The following LDLRAD4 variants were observed in gnomAD, a reference collection of about 807,000 sequenced individuals.
LDLRAD4 encodes the protein low-density lipoprotein receptor class A domain-containing protein 4.
In LDLRAD4, 5 loss-of-function variants were observed where a neutral mutation model predicts 17.0. The ratio of observed to expected loss-of-function variants is 0.29; its 90% CI spans 0.15 to 0.62. The LOEUF is 0.62. Among genes scored for constraint, LDLRAD4 ranks in the 20% least tolerant of loss-of-function variants. The pLI is 0.84. For synonymous variants in LDLRAD4, 168 were observed against 171.8 expected, an observed-to-expected ratio of 0.98 and a Z score of 0.17; for missense variants, 340 against 424.7, an observed-to-expected ratio of 0.80 and a Z score of 1.75.
At chr18:13,470,210 A>G (rs1271133253) in intron 3 of LDLRAD4, among the ~76,000 whole-genome samples, 1 of 152,106 alleles carries the variant, frequency 6.6e-6, no homozygotes, top group Non-Finnish European at 1.5e-5. Context: ...TCTCCAATAG[A>G]GGGCTGCAGA....
intron 3 of LDLRAD4, among the ~76,000 whole-genome samples, chr18:13,511,289 C>A (rs562303819): frequency 1.1e-4 from 17 of 152,284 alleles, no homozygotes; most frequent in Admixed American, 8.5e-4. Context: ...AATCCCAGCA[C>A]TTTGGGAGGC....
intron 2 of LDLRAD4, among the ~76,000 whole-genome samples, chr18:13,393,821 C>G (rs2086459258): frequency 6.6e-6 from 1 of 152,182 alleles, no homozygotes; most frequent in South Asian, 2.1e-4. Flanking sequence ...GACCAAAGTT[C>G]CTGACACAGT....
chr18:13,308,357 A>G (rs1490179022), intron 1 of LDLRAD4, among the ~76,000 whole-genome samples: 1 of 152,268 alleles, frequency 6.6e-6, no homozygotes, highest in Non-Finnish European at 1.5e-5. Context: ...GACAAAGTAC[A>G]ATGAATAATA....
At chr18:13,344,222 C>A (rs1038856011) in intron 1 of LDLRAD4, among the ~76,000 whole-genome samples, 2 of 152,190 alleles carry the variant, frequency 1.3e-5, no homozygotes, top group Admixed American at 1.3e-4. Flanking sequence ...TTAGGTCTAA[C>A]ATTTAAGTGT....
intron 2 of LDLRAD4, 58 bp downstream of exon 3, chr18:13,387,820 C>T (rs2085943920): frequency 6.8e-7 from 1 of 1,477,938 alleles, no homozygotes; most frequent in Non-Finnish European, 9.5e-7. Flanking sequence ...GCAATAAACT[C>T]CCAAACCACT....
intron 2 of LDLRAD4, among the ~76,000 whole-genome samples, chr18:13,397,324 T>G (rs1460167074): frequency 1.3e-5 from 2 of 152,178 alleles, no homozygotes; most frequent in Non-Finnish European, 2.9e-5. Context: ...TTTGTATTTT[T>G]AGTAGAGACA....
intron 1 of LDLRAD4, among the ~76,000 whole-genome samples, chr18:13,358,480 A>G (rs182050575): frequency 2.6e-5 from 4 of 152,320 alleles, no homozygotes; most frequent in African/African-American, 9.6e-5. Flanking sequence ...TGAGAATGCT[A>G]ATTTTCAAGG....
intron 1 of LDLRAD4, among the ~76,000 whole-genome samples, chr18:13,239,038 T>C (rs1375042493): frequency 6.6e-6 from 1 of 151,592 alleles, no homozygotes; most frequent in Non-Finnish European, 1.5e-5. Context: ...ATAAGAAAAA[T>C]TAGCTGGGCG....
At chr18:13,224,949 A>G (rs566614400) in intron 1 of LDLRAD4, among the ~76,000 whole-genome samples, 18 of 151,030 alleles carry the variant, frequency 1.2e-4, no homozygotes, top group Admixed American at 3.3e-4. Flanking sequence ...TTGTACCTCA[A>G]CCTCCTAAAT....
At chr18:13,261,476 C>T (rs1484227760) in intron 1 of LDLRAD4, among the ~76,000 whole-genome samples, 1 of 152,116 alleles carries the variant, frequency 6.6e-6, no homozygotes, top group Non-Finnish European at 1.5e-5. Context: ...ACAGAAATCC[C>T]AGTTTAGTTC....
intron 1 of LDLRAD4, among the ~76,000 whole-genome samples, chr18:13,373,500 CTT>C (rs2084675189): frequency 6.6e-6 from 1 of 152,226 alleles, no homozygotes; most frequent in South Asian, 2.1e-4. Flanking sequence ...GATTTTTCCT[CTT>C]TTGCATTTTT....
At chr18:13,522,801 T>TG (rs954223814) in intron 3 of LDLRAD4, 143 of 152,814 alleles carry the variant, frequency 9.4e-4, no homozygotes, top group Middle Eastern at 3.4e-3. Context: ...TTTTGGGGCT[T>TG]GGGGGGGGAT....
intron 3 of LDLRAD4, among the ~76,000 whole-genome samples, chr18:13,578,079 C>A (rs1601513113): frequency 6.6e-6 from 1 of 152,092 alleles, no homozygotes; most frequent in African/African-American, 2.4e-5. Context: ...CTCTAAAAAC[C>A]AGTGGTTCTT....
chr18:13,494,824 G>A (rs1270847490), intron 3 of LDLRAD4, among the ~76,000 whole-genome samples: 2 of 143,446 alleles, frequency 1.4e-5, no homozygotes, highest in South Asian at 2.2e-4. Flanking sequence ...GATTGTTCAC[G>A]AAGTCTTCAA....
rs572225702 is a variant in LDLRAD4, at chr18:13,434,242, T to C, written c.41-4002T>C. Among the ~76,000 whole-genome samples the C allele has an allele frequency of 7.2e-5, 6 of 83,328 alleles. No homozygotes were observed. The Admixed American group carries it at 9.6e-4, about 13-fold the overall frequency. 54.7% of individuals were successfully genotyped at this position (83,328 alleles called of 152,430 possible). A position where few individuals can be genotyped will look rare whatever the true frequency, so the allele number is the denominator to read the frequency against. On this transcript the variant is annotated intron_variant, in intron 2 of 5. Coordinates refer to ENST00000359446, the Ensembl canonical transcript of LDLRAD4. ...TGTTGTTGACTCTGGAAGTTGTTTC[T>C]CCTAAGTTTTTTTTTTTTTTAATAA...
At chr18:13,280,416 C>T (rs893177097) in intron 1 of LDLRAD4, among the ~76,000 whole-genome samples, 2 of 152,226 alleles carry the variant, frequency 1.3e-5, no homozygotes, top group Non-Finnish European at 2.9e-5. Context: ...CACTCAACAA[C>T]ATGTTGGCTG....
At chr18:13,280,905 C>T (rs996753875) in intron 1 of LDLRAD4, among the ~76,000 whole-genome samples, 3 of 152,186 alleles carry the variant, frequency 2.0e-5, no homozygotes, top group South Asian at 2.1e-4. Flanking sequence ...CAATGCATCC[C>T]GACCTGAACT....
At chr18:13,474,400 A>T (rs1197433369) in intron 3 of LDLRAD4, among the ~76,000 whole-genome samples, 1 of 152,178 alleles carries the variant, frequency 6.6e-6, no homozygotes, top group East Asian at 1.9e-4. Context: ...TCCCAACCTC[A>T]GGAGTTAGAC....
At chr18:13,428,048 C>G (rs560348448) in intron 2 of LDLRAD4, among the ~76,000 whole-genome samples, 3 of 152,322 alleles carry the variant, frequency 2.0e-5, no homozygotes, top group African/African-American at 7.2e-5. Context: ...ATGTACCACA[C>G]TCTGGGGACT....
Sources: gnomAD v4.1 joint callset for allele counts (sites outside exome capture counted in the v4.1 genomes callset) on GRCh38, gnomAD v4.1.1 for gene constraint, MANE v1.5 for transcripts, NCBI Gene and HGNC (gene_info 2026-07-23, HGNC 2026-07-21) for gene names.